ZNF337: variants seen among roughly 807,000 people sequenced by gnomAD.
The protein encoded by ZNF337 is zinc finger protein 337.
ZNF337 carries 8 observed loss-of-function variants against 12.1 expected under a neutral mutation model. The observed-to-expected ratio is 0.66, with a 90% CI of 0.39 to 1.19. The LOEUF (loss-of-function observed/expected upper bound fraction) is 1.19, where lower values mean the gene tolerates loss of function less well. Ranked by LOEUF, ZNF337 falls within the 50% of genes most tolerant of loss-of-function variation. ZNF337 has a pLI of 0.01. For missense variants in ZNF337, 882 were observed against 896.6 expected (o/e 0.98, Z 0.21); for synonymous variants, 336 against 320.0 (o/e 1.05, Z -0.53).
chr20:25,675,805 G>GCCCACACTCCC lies in ZNF337; in HGVS notation c.1472_1482dup (p.Arg495GlyfsTer17). 1 of 1,613,938 alleles carries GCCCACACTCCC rather than the reference G, an allele frequency of 6.2e-7. No homozygotes were observed. Among genetic ancestry groups the GCCCACACTCCC allele is most frequent in the Non-Finnish European group, 8.5e-7 (1 of 1,179,990 alleles). ...TAGGAGGACTTATCCCGAAACCTTC[G>GCCCACACTCCC]CCCACACTCCCGACATCCATAAGGC... On this transcript the variant is annotated frameshift_variant, in exon 5 of 5. Coordinates refer to ENST00000252979, the MANE Select transcript of ZNF337 (RefSeq NM_015655.4). LOFTEE classifies it low-confidence loss of function (END_TRUNC).
At position 25,673,372 on chromosome 20, in the gene ZNF337, TTG is replaced by T. The variant is rs1332449974; in HGVS notation, c.*1658_*1659del. 6.6e-6 allele frequency among the ~76,000 whole-genome samples: 1 copy of T among 152,118 alleles called. No individual in the cohort carries two copies. The highest frequency in any genetic ancestry group is 6.6e-5 in the Admixed American group (1 of 15,262). On this transcript the variant is annotated 3_prime_UTR_variant, in exon 5 of 5. Transcript: ENST00000252979. ...GTATCTTCCCTGTGCTGGACAAGGG[TTG>T]TGTGCAGCTATGTAGGGCACATGCT...
chr20:25,685,127 AAAAAAG>A (rs974210400), intron 4 of ZNF337, among the ~76,000 whole-genome samples: 1 of 152,144 alleles, frequency 6.6e-6, no homozygotes, highest in Non-Finnish European at 1.5e-5. Flanking sequence ...AATTAAAAAA[AAAAAAG>A]AAAATCAGTA....
In ZNF337 at chr20:25,676,773, A is replaced by C; in HGVS notation, c.515T>G (p.Ile172Arg). 6.2e-7 allele frequency: 1 copy of C among 1,614,110 alleles called. No individual in the cohort carries two copies. Reference protein sequence around the residue: ...PTEIDKVLKGIENSRWGAFKC... With the variant: ...PTEIDKVLKGRENSRWGAFKC... ...GAATGCTCCCCATCTTGAATTTTCT[A>C]TTCCTTTCAATACTTTGTCTATTTC... is the stretch of plus-strand genomic sequence containing the variant. The change falls in exon 5 of 5, where the codon ATA becomes AGA. Residue 172 changes from isoleucine to arginine, a missense_variant. Physicochemically the swap from Ile to Arg is moderately conservative, Grantham distance 97. Coordinates refer to ENST00000252979, the MANE Select transcript of ZNF337 (RefSeq NM_015655.4).
chr20:25,676,532 G>A lies in ZNF337; in HGVS notation c.756C>T (p.Leu252=). The change falls in exon 5 of 5, where the codon CTC becomes CTT. Residue 252 remains leucine, a synonymous_variant. Transcript: ENST00000252979. ...GRGFSLKANL[L]RHQRTHSGEK... is the part of the protein sequence containing the mutation. ...CTCCTGAGTGTGTCCTCTGGTGTCT[G>A]AGGAGGTTGGCCTTGAGGCTGAAGC... 2 of 1,613,712 alleles carry A rather than the reference G, an allele frequency of 1.2e-6. No individual in the cohort carries two copies. The highest frequency in any genetic ancestry group is 4.5e-5 in the East Asian group (2 of 44,848).
chr20:25,696,503 C>G (rs1186211069), intron 1 of ZNF337, among the ~76,000 whole-genome samples: 1 of 152,172 alleles, frequency 6.6e-6, no homozygotes, highest in African/African-American at 2.4e-5. Context: ...GTTCACCGCC[C>G]GAGCCGCCAC....
rs1479113133 is a variant in ZNF337 at position 25,674,481 on chromosome 20, T to C, written c.*551A>G. The C allele has an allele frequency of 6.5e-6, 1 of 153,206 alleles. No individual in the cohort carries two copies. Among genetic ancestry groups the C allele is most frequent in the African/African-American group, 2.4e-5 (1 of 41,460 alleles). 9.5% of individuals were successfully genotyped at this position (153,206 alleles called of 1,614,324 possible). ...ATCTTCGTGACTTGACTTAATCACTTCCCAAAGGTCCCACCTCCTAATACT... is the reference window on the plus strand; with the variant it reads ...ATCTTCGTGACTTGACTTAATCACTCCCCAAAGGTCCCACCTCCTAATACT... On this transcript the variant is annotated 3_prime_UTR_variant, in exon 5 of 5. Coordinates refer to ENST00000252979, the MANE Select transcript of ZNF337 (RefSeq NM_015655.4).
intron 3 of ZNF337, 27 bp from the exon 4 acceptor site, chr20:25,685,689 G>A: frequency 6.3e-7 from 1 of 1,590,544 alleles, no homozygotes; most frequent in Non-Finnish European, 8.6e-7. Flanking sequence ...AAACCATGAG[G>A]TGACTCCTGG....
rs576816922 is a variant in ZNF337 at position 25,692,117 on chromosome 20, C to T, written c.-50+4642G>A. 1.1e-4 allele frequency among the ~76,000 whole-genome samples: 16 copies of T among 152,260 alleles called. No individual in the cohort carries two copies. The South Asian group carries it at 3.3e-3, about 32-fold the overall frequency. ...GCCAAGGTAGGGAAACTTCCTTTAC[C>T]TAGATCACAACGAGAGAAGTAAAAC... On this transcript the variant is annotated intron_variant, in intron 1 of 4. Coordinates refer to ENST00000252979, the MANE Select transcript of ZNF337 (RefSeq NM_015655.4).
At chr20:25,696,637 C>T in intron 1 of ZNF337, 122 bp downstream of exon 1, 4 of 680,274 alleles carry the variant, frequency 5.9e-6, no homozygotes, top group South Asian at 1.3e-4. Flanking sequence ...CGCGGAGACG[C>T]CGGGCCTGGA....
intron 4 of ZNF337, among the ~76,000 whole-genome samples, chr20:25,682,183 G>A (rs1207984840): frequency 6.6e-6 from 1 of 151,968 alleles, no homozygotes; most frequent in African/African-American, 2.4e-5. Context: ...AAAATCTTAG[G>A]AACTAATATT....
Position 25,686,427 on chromosome 20 carries a change from C to T in ZNF337, c.-10G>A. ...CTCCCTGAGGTCCCATGACTGTCTT[C>T]CTGCTCTCCACGGAGAAGGGAAGCT... On this transcript the variant is annotated 5_prime_UTR_variant, in exon 2 of 5. Transcript: ENST00000252979. 1 of 1,614,060 alleles carries T rather than the reference C, an allele frequency of 6.2e-7. No homozygotes were observed. Among genetic ancestry groups the T allele is most frequent in the Non-Finnish European group, 8.5e-7 (1 of 1,179,978 alleles).
At chr20:25,679,146 C>T (rs2065739796) in intron 4 of ZNF337, among the ~76,000 whole-genome samples, 1 of 152,064 alleles carries the variant, frequency 6.6e-6, no homozygotes, top group African/African-American at 2.4e-5. Context: ...GTTTGTTTCT[C>T]ATACTATACA....
At chr20:25,693,031 G>C (rs1354185081) in intron 1 of ZNF337, among the ~76,000 whole-genome samples, 1 of 152,044 alleles carries the variant, frequency 6.6e-6, no homozygotes, top group African/African-American at 2.4e-5. Flanking sequence ...CAAAATCCCA[G>C]CTTGCTCCAC....
chr20:25,682,000 C>T (rs1043516147), intron 4 of ZNF337, among the ~76,000 whole-genome samples: 4 of 152,038 alleles, frequency 2.6e-5, no homozygotes, highest in African/African-American at 9.7e-5. Flanking sequence ...GGTGGCAGAT[C>T]GACAGGTGTT....
chr20:25,695,330 C>T (rs1318485994), intron 1 of ZNF337, among the ~76,000 whole-genome samples: 1 of 152,152 alleles, frequency 6.6e-6, no homozygotes, highest in Non-Finnish European at 1.5e-5. Flanking sequence ...ACCATCTATT[C>T]TGAGAGTTGC....
rs2065704509 is a variant in ZNF337, at chr20:25,676,911, C to CT, written c.376dup (p.Ser126LysfsTer3). The CT allele has an allele frequency of 6.2e-7, 1 of 1,613,998 alleles. No individual in the cohort carries two copies. Among genetic ancestry groups the CT allele is most frequent in the South Asian group, 1.1e-5 (1 of 91,078 alleles). Reference sequence around the variant, plus strand: ...GCTGGAAAATGCCATGGGCTTAGTGCTTTTTTCTTTCTCTTGACCTTCAGC... The same window carrying CT: ...GCTGGAAAATGCCATGGGCTTAGTGCTTTTTTTCTTTCTCTTGACCTTCAGC... On this transcript the variant is annotated frameshift_variant, in exon 5 of 5. Transcript: ENST00000252979. LOFTEE classifies it low-confidence loss of function (END_TRUNC).
chr20:25,685,351 G>A (rs574894348), intron 4 of ZNF337, among the ~76,000 whole-genome samples: 28 of 152,302 alleles, frequency 1.8e-4, no homozygotes, highest in African/African-American at 6.7e-4. Flanking sequence ...AAGAAGTCTA[G>A]CAAGTAGGGG....
intron 1 of ZNF337, among the ~76,000 whole-genome samples, chr20:25,696,097 C>G (rs1007548870): frequency 3.8e-5 from 5 of 131,140 alleles, no homozygotes; most frequent in African/African-American, 5.9e-5. Context: ...TCCCCCCCCC[C>G]CCCCACCAAA....
At chr20:25,677,410 T>C (rs2065713874) in intron 4 of ZNF337, 1 of 182,636 alleles carries the variant, frequency 5.5e-6, no homozygotes, top group Non-Finnish European at 1.1e-5. Flanking sequence ...TATGCAATCA[T>C]GATTCAACAT....
Sources: allele counts gnomAD v4.1 joint callset (sites outside exome capture counted in the v4.1 genomes callset), GRCh38; gene constraint gnomAD v4.1.1; transcripts MANE v1.5; gene names NCBI Gene and HGNC (gene_info 2026-07-23, HGNC 2026-07-21).